Variants in GGH observed in about 807,000 individuals in gnomAD.
GGH encodes the protein gamma-Glu-X carboxypeptidase.
A neutral mutation model predicts 39.2 loss-of-function variants in GGH; 18 were observed. The ratio of observed to expected loss-of-function variants is 0.46; its 90% confidence interval spans 0.32 to 0.68. GGH has a LOEUF of 0.68. GGH is among the 30% of genes least tolerant of loss of function. The pLI is 0.04. For synonymous variants in GGH, 147 were observed against 138.8 expected (o/e 1.06, Z -0.42); for missense variants, 367 against 384.1 (o/e 0.96, Z 0.37).
rs1036496310 is a variant in GGH at position 63,021,467 on chromosome 8, A to G, written c.697+2440T>C. Among the ~76,000 whole-genome samples the G allele has an allele frequency of 3.3e-5, 5 of 152,176 alleles. No individual in the cohort carries two copies. The East Asian group carries it at 9.6e-4, about 29-fold the overall frequency. ...TTTCCAATCGTAAGTGCATGACAGC[A>G]CCTGCTGTGCGACATCCTGGGTAAC... On this transcript the variant is annotated intron_variant, in intron 7 of 8. Coordinates refer to ENST00000260118, the MANE Select transcript of GGH (RefSeq NM_003878.3).
At chr8:63,021,148 C>T (rs1441614807) in intron 7 of GGH, among the ~76,000 whole-genome samples, 2 of 152,112 alleles carry the variant, frequency 1.3e-5, no homozygotes, top group African/African-American at 4.8e-5. Flanking sequence ...TAAATGAAAA[C>T]ATACAGCATG....
chr8:63,017,170 G>A (rs1237638497), intron 8 of GGH, among the ~76,000 whole-genome samples: 5 of 151,784 alleles, frequency 3.3e-5, no homozygotes, highest in South Asian at 2.1e-4. Flanking sequence ...CAGCCTGGGC[G>A]ACAGAGCAAG....
chr8:63,015,652 AAAG>A (rs1042455773), intron 8 of GGH, among the ~76,000 whole-genome samples, 199 bp from the exon 9 acceptor site: 37 of 151,824 alleles, frequency 2.4e-4, no homozygotes, highest in Non-Finnish European at 4.0e-4. Context: ...AAAAAAAAAA[AAAG>A]AAGAAGAAGA....
Position 63,038,783 on chromosome 8 carries a change from C to T in GGH, c.-15G>A, listed in dbSNP as rs780221906. ...GGACTGGCCATGGCGCTCGCCGCCT[C>T]CCGCCGCCTTTCAAAAGCTCTGCGG... On this transcript the variant is annotated 5_prime_UTR_variant, in exon 1 of 9. Coordinates refer to ENST00000260118, the MANE Select transcript of GGH (RefSeq NM_003878.3). The T allele has an allele frequency of 1.0e-5, 15 of 1,473,238 alleles. No homozygotes were observed. Among genetic ancestry groups the T allele is most frequent in the Admixed American group, 4.5e-5 (2 of 44,806 alleles). 91.3% of individuals were successfully genotyped at this position (1,473,238 alleles called of 1,614,324 possible). A position where few individuals can be genotyped will look rare whatever the true frequency, so the allele number is the denominator to read the frequency against.
chr8:63,031,554 C>T (rs992648710), intron 2 of GGH, among the ~76,000 whole-genome samples: 1 of 152,184 alleles, frequency 6.6e-6, no homozygotes, highest in African/African-American at 2.4e-5. Context: ...CATCAGGGAC[C>T]AAAATGGATT....
At chr8:63,025,883 T>C (rs990110546) in intron 5 of GGH, among the ~76,000 whole-genome samples, 11 of 152,080 alleles carry the variant, frequency 7.2e-5, no homozygotes, top group African/African-American at 2.2e-4. Flanking sequence ...CAGATCCCAT[T>C]TCAGAGTTCT....
intron 7 of GGH, among the ~76,000 whole-genome samples, chr8:63,022,839 A>G (rs1804617964): frequency 6.6e-6 from 1 of 152,098 alleles, no homozygotes; most frequent in Non-Finnish European, 1.5e-5. Flanking sequence ...TATAATTTCT[A>G]ATAGCTGAAT....
chr8:63,029,791 A>G (rs1472425706), intron 3 of GGH, among the ~76,000 whole-genome samples: 1 of 151,976 alleles, frequency 6.6e-6, no homozygotes, highest in Admixed American at 6.6e-5. Context: ...TTCCCAATTT[A>G]CCTGAAAAAA....
chr8:63,034,073 G>A (rs559827489), intron 2 of GGH, among the ~76,000 whole-genome samples: 98 of 145,170 alleles, frequency 6.8e-4, no homozygotes, highest in African/African-American at 2.4e-3. Flanking sequence ...CCATCCACAC[G>A]GTCAGCACTA....
rs750906276 is a variant in GGH at position 63,027,174 on chromosome 8, T to C, written c.360+7A>G. 33 of 1,283,910 alleles carry C rather than the reference T, an allele frequency of 2.6e-5. No individual in the cohort carries two copies. In the East Asian group the frequency reaches 7.1e-4, roughly 28 times the overall value. The allele number at this position is 1,283,910 out of a possible 1,614,324, so 79.5% of individuals were successfully genotyped here. ...ATCTGGAATAATAAGCAATAACTGA[T>C]ATTTACCTGTATGGACAAGTTATAA... On this transcript the variant is annotated splice_region_variant and intron_variant, in intron 4 of 8. Coordinates refer to ENST00000260118, the MANE Select transcript of GGH (RefSeq NM_003878.3).
At chr8:63,025,714 G>A (rs1334451291) in intron 5 of GGH, among the ~76,000 whole-genome samples, 2 of 151,832 alleles carry the variant, frequency 1.3e-5, no homozygotes, top group East Asian at 1.9e-4. Flanking sequence ...CTGAGTGACA[G>A]AGAGAGACTC....
intron 7 of GGH, among the ~76,000 whole-genome samples, chr8:63,018,991 T>G (rs937188127): frequency 3.3e-5 from 5 of 152,122 alleles, no homozygotes; most frequent in South Asian, 2.1e-4. Flanking sequence ...GACATCAGTT[T>G]TAAAAGAACC....
intron 1 of GGH, among the ~76,000 whole-genome samples, chr8:63,037,253 A>C (rs1291327189): frequency 1.3e-5 from 2 of 152,186 alleles, no homozygotes; most frequent in Non-Finnish European, 2.9e-5. Flanking sequence ...AAGGAATAAC[A>C]AAGTTTGGCT....
chr8:63,027,018 G>C (rs1239004434), intron 4 of GGH, 163 bp downstream of exon 4: 1 of 631,086 alleles, frequency 1.6e-6, no homozygotes, highest in Non-Finnish European at 2.8e-6. Flanking sequence ...GAAGCACATG[G>C]AAAATAGGCG....
In GGH at chr8:63,022,884, T is replaced by C. The variant is rs375674986; in HGVS notation, c.697+1023A>G. The stretch of plus-strand genomic sequence containing the variant: ...TTCAAATCTGATTGTTTCATGCCTA[T>C]ATTTTCAAGCATTTTTCTTTCTTTA... On this transcript the variant is annotated intron_variant, in intron 7 of 8. Transcript: ENST00000260118. Among the ~76,000 whole-genome samples the C allele has an allele frequency of 7.2e-5, 11 of 152,342 alleles. No homozygotes were observed. The South Asian group carries it at 1.9e-3, about 26-fold the overall frequency.
intron 7 of GGH, among the ~76,000 whole-genome samples, chr8:63,018,500 C>T (rs911444564): frequency 6.6e-6 from 1 of 152,182 alleles, no homozygotes; most frequent in Admixed American, 6.5e-5. Context: ...ACTGTCTGTT[C>T]TCATCCCAGT....
intron 5 of GGH, chr8:63,024,617 T>C (rs1804651405): frequency 6.4e-6 from 1 of 156,244 alleles, no homozygotes; most frequent in Non-Finnish European, 1.4e-5. Context: ...ATACAAACAA[T>C]GTAGAAAAGA....
intron 2 of GGH, among the ~76,000 whole-genome samples, chr8:63,030,500 A>G (rs1804783413): frequency 2.0e-5 from 3 of 152,210 alleles, no homozygotes; most frequent in Non-Finnish European, 4.4e-5. Flanking sequence ...AGACCGTGAG[A>G]TTTGGCCACC....
chr8:63,035,336 C>T (rs1260411028), intron 2 of GGH, among the ~76,000 whole-genome samples: 2 of 152,252 alleles, frequency 1.3e-5, no homozygotes, highest in East Asian at 3.9e-4. Flanking sequence ...GATGGAGTCT[C>T]GATCTGTTGC....
Sources: gnomAD v4.1 joint callset for allele counts (sites outside exome capture counted in the v4.1 genomes callset) on GRCh38, gnomAD v4.1.1 for gene constraint, MANE v1.5 for transcripts, NCBI Gene and HGNC (gene_info 2026-07-23, HGNC 2026-07-21) for gene names.